Variants in SDK1 observed in about 807,000 individuals in gnomAD.
SDK1 encodes protein sidekick-1.
A neutral mutation model predicts 245.5 loss-of-function variants in SDK1; 157 were observed. That is an observed-to-expected ratio of 0.64 (90% CI 0.56 to 0.73). The LOEUF (loss-of-function observed/expected upper bound fraction) is 0.73, where lower values mean the gene tolerates loss of function less well. SDK1 is among the 30% of genes least tolerant of loss of function. The pLI, the probability that SDK1 is intolerant of heterozygous loss-of-function variation, is 0.00. For missense variants in SDK1, 3,583 were observed against 3,002.3 expected, an observed-to-expected ratio of 1.19 and a Z score of -4.52; for synonymous variants, 1,647 against 1,278.5, an observed-to-expected ratio of 1.29 and a Z score of -6.15.
intron 40 of SDK1, among the ~76,000 whole-genome samples, chr7:4,232,411 CT>C (rs71032930): frequency 0.071 from 7,042 of 98,690 alleles, 233 homozygotes; most frequent in Middle Eastern, 0.11. Context: ...TCTTTTCTTT[CT>C]TTTTTTTTTT....
intron 1 of SDK1, among the ~76,000 whole-genome samples, chr7:3,474,657 T>C (rs1042104003): frequency 2.6e-5 from 4 of 152,136 alleles, no homozygotes; most frequent in Admixed American, 1.3e-4. Context: ...TGTCATCATA[T>C]TCAAATTATT....
chr7:4,225,078 C>A, intron 40 of SDK1, among the ~76,000 whole-genome samples: 1 of 150,864 alleles, frequency 6.6e-6, no homozygotes, highest in South Asian at 2.1e-4. Flanking sequence ...TCCCTGAACG[C>A]CTGCCTCCCT....
chr7:3,494,618 C>G (rs530352914), intron 1 of SDK1, among the ~76,000 whole-genome samples: 7 of 152,294 alleles, frequency 4.6e-5, no homozygotes, highest in African/African-American at 1.2e-4. Flanking sequence ...TTGTTCCTGT[C>G]TAACTGCAAC....
At chr7:3,537,205 T>C (rs989505251) in intron 1 of SDK1, among the ~76,000 whole-genome samples, 1 of 152,202 alleles carries the variant, frequency 6.6e-6, no homozygotes, top group Non-Finnish European at 1.5e-5. Flanking sequence ...GTTTGGAACA[T>C]TGAATAAATG....
intron 1 of SDK1, among the ~76,000 whole-genome samples, chr7:3,605,014 T>C (rs1290298569): frequency 6.6e-6 from 1 of 152,148 alleles, no homozygotes; most frequent in Non-Finnish European, 1.5e-5. Flanking sequence ...TTTATTCTGT[T>C]AATACTATGG....
At chr7:3,342,699 CAGTT>C (rs1245324717) in intron 1 of SDK1, among the ~76,000 whole-genome samples, 8 of 151,996 alleles carry the variant, frequency 5.3e-5, no homozygotes, top group Non-Finnish European at 1.0e-4. Context: ...AAGTTAGAAC[CAGTT>C]AAAGACTTTT....
At chr7:4,252,934 G>T (rs1342432530) in intron 44 of SDK1, among the ~76,000 whole-genome samples, 1 of 149,360 alleles carries the variant, frequency 6.7e-6, no homozygotes, top group African/African-American at 2.5e-5. Flanking sequence ...GTTGCTTATA[G>T]TTGTGTACAG....
rs1285830435 is a variant in SDK1 at position 4,139,442 on chromosome 7, T to A, written c.4229-6280T>A. Among the ~76,000 whole-genome samples, 10 of 77,190 alleles carry A rather than the reference T, an allele frequency of 1.3e-4. No individual in the cohort carries two copies. The East Asian group carries it at 6.6e-3, about 51-fold the overall frequency. The allele number at this position is 77,190 out of a possible 152,430, so 50.6% of individuals were successfully genotyped here. On this transcript the variant is annotated intron_variant, in intron 28 of 44. Transcript: ENST00000404826. ...GTGTGTGTGTATGTATATATGTGTG[T>A]GTATATGTGTGTGTATATGTATATA...
At chr7:3,771,741 C>A (rs934486998) in intron 4 of SDK1, among the ~76,000 whole-genome samples, 1 of 151,832 alleles carries the variant, frequency 6.6e-6, no homozygotes, top group Non-Finnish European at 1.5e-5. Flanking sequence ...TTTTTTTTTA[C>A]TGTGGTAAAA....
intron 4 of SDK1, among the ~76,000 whole-genome samples, chr7:3,792,239 G>A (rs966239724): frequency 1.3e-5 from 2 of 151,994 alleles, no homozygotes; most frequent in Admixed American, 1.3e-4. Flanking sequence ...GCCCTAAAAT[G>A]TCCAGATCCT....
intron 1 of SDK1, among the ~76,000 whole-genome samples, chr7:3,378,989 C>T (rs1315730807): frequency 6.6e-6 from 1 of 152,130 alleles, no homozygotes; most frequent in Non-Finnish European, 1.5e-5. Context: ...CTCAGCTCTT[C>T]CAGCTTCTCG....
chr7:3,650,014 GAA>G (rs35857495), intron 4 of SDK1, among the ~76,000 whole-genome samples: 18 of 143,282 alleles, frequency 1.3e-4, no homozygotes, highest in South Asian at 2.2e-4. Flanking sequence ...TTTTTGTTTT[GAA>G]AAAAAAAAAA....
chr7:3,662,699 G>C (rs1169631133), intron 4 of SDK1, among the ~76,000 whole-genome samples: 1 of 152,198 alleles, frequency 6.6e-6, no homozygotes, highest in Non-Finnish European at 1.5e-5. Flanking sequence ...CAGATGTACA[G>C]TGTTTATATA....
chr7:3,414,398 A>G (rs193196268), intron 1 of SDK1, among the ~76,000 whole-genome samples: 1 of 152,234 alleles, frequency 6.6e-6, no homozygotes, highest in Admixed American at 6.5e-5. Context: ...TGGTGCCTGG[A>G]GTCTAAAGTG....
At chr7:4,027,737 A>G (rs1195921805) in intron 17 of SDK1, among the ~76,000 whole-genome samples, 1 of 152,178 alleles carries the variant, frequency 6.6e-6, no homozygotes, top group African/African-American at 2.4e-5. Flanking sequence ...ATCACATTAT[A>G]TGACTTAAAT....
intron 19 of SDK1, among the ~76,000 whole-genome samples, chr7:4,066,959 C>T (rs1779946334): frequency 6.6e-6 from 1 of 152,130 alleles, no homozygotes; most frequent in Non-Finnish European, 1.5e-5. Flanking sequence ...GGGGTGGCAT[C>T]CTCTGATCCT....
chr7:4,028,568 A>T (rs1787544564), intron 17 of SDK1, among the ~76,000 whole-genome samples: 1 of 152,238 alleles, frequency 6.6e-6, no homozygotes, highest in Non-Finnish European at 1.5e-5. Flanking sequence ...TCTACATAAG[A>T]GGACTGAGCT....
In SDK1 at chr7:3,599,090, CTTTT is replaced by C. The variant is rs58431507; in HGVS notation, c.299-19968_299-19965del. Among the ~76,000 whole-genome samples the C allele has an allele frequency of 1.4e-3, 111 of 80,528 alleles. 2 individuals are homozygous for C. In the South Asian group the frequency reaches 0.019, roughly 14 times the overall value. The allele number at this position is 80,528 out of a possible 152,430, so 52.8% of individuals were successfully genotyped here. A position where few individuals can be genotyped will look rare whatever the true frequency, so the allele number is the denominator to read the frequency against. ...CACCAGCAATGTGGGACTAATCCAC[CTTTT>C]TTTTTTTTTTTTTTTTTTTTTACAT... On this transcript the variant is annotated intron_variant, in intron 1 of 44. Transcript: ENST00000404826.
rs542742515 is a variant in SDK1 at position 3,826,083 on chromosome 7, G to A, written c.847+4500G>A. Among the ~76,000 whole-genome samples the A allele has an allele frequency of 3.3e-4, 50 of 152,266 alleles. 1 individual carries two copies. Among genetic ancestry groups the A allele is most frequent in the African/African-American group, 1.1e-3 (45 of 41,550 alleles). On this transcript the variant is annotated intron_variant, in intron 5 of 44. Transcript: ENST00000404826. ...TAGCCATGCATCGAACCTGCTGTAC[G>A]GAGTGAAGTGTGAGGCATGCTCTGC...
Sources: gnomAD v4.1 joint callset for allele counts (sites outside exome capture counted in the v4.1 genomes callset) on GRCh38, gnomAD v4.1.1 for gene constraint, MANE v1.5 for transcripts, NCBI Gene and HGNC (gene_info 2026-07-23, HGNC 2026-07-21) for gene names.